Variants in BBS9 observed in about 807,000 individuals in gnomAD.
The protein encoded by BBS9 is Bardet-Biedl syndrome 9.
BBS9 carries 89 observed loss-of-function variants against 117.7 expected under a neutral mutation model. The observed-to-expected ratio is 0.76, with a 90% CI of 0.64 to 0.90. The LOEUF is 0.90. Ranked by LOEUF, BBS9 falls within the 40% of genes least tolerant of loss-of-function variation. The probability of loss-of-function intolerance (pLI) is 0.00; values close to 1 mark genes in which losing one functional copy is unlikely to be tolerated. For missense variants in BBS9, 982 were observed against 1,042.2 expected (o/e 0.94, Z 0.80); for synonymous variants, 379 against 370.9 (o/e 1.02, Z -0.25).
intron 5 of BBS9, among the ~76,000 whole-genome samples, chr7:33,220,025 G>A (rs1047091907): frequency 7.2e-5 from 11 of 152,102 alleles, no homozygotes. Flanking sequence ...AACAAACTCC[G>A]GACACGCCGC....
intron 9 of BBS9, among the ~76,000 whole-genome samples, chr7:33,284,600 TTA>T (rs1211406218): frequency 6.6e-6 from 1 of 152,246 alleles, no homozygotes; most frequent in Non-Finnish European, 1.5e-5. Context: ...GTTTCCTATG[TTA>T]TATCTTTGAT....
At chr7:33,581,847 C>T (rs948416628) in intron 21 of BBS9, among the ~76,000 whole-genome samples, 5 of 152,072 alleles carry the variant, frequency 3.3e-5, no homozygotes, top group African/African-American at 7.2e-5. Flanking sequence ...TAAACACACA[C>T]GATTTCCAGA....
At chr7:33,540,413 G>A (rs1852100615) in intron 21 of BBS9, among the ~76,000 whole-genome samples, 1 of 152,212 alleles carries the variant, frequency 6.6e-6, no homozygotes, top group Non-Finnish European at 1.5e-5. Flanking sequence ...AGAAGACTGA[G>A]CTTTTGTTAT....
chr7:33,441,910 G>A (rs79776283), intron 19 of BBS9, among the ~76,000 whole-genome samples: 1 of 137,790 alleles, frequency 7.3e-6, no homozygotes, highest in Non-Finnish European at 1.5e-5. Flanking sequence ...TTTTTTTCCC[G>A]AGACAGAGTC....
At chr7:33,148,904 G>A (rs1181014672) in intron 2 of BBS9, among the ~76,000 whole-genome samples, 2 of 152,126 alleles carry the variant, frequency 1.3e-5, no homozygotes, top group South Asian at 2.1e-4. Flanking sequence ...GATTATTGGC[G>A]TGAGCCACTG....
chr7:33,281,126 A>G (rs1801802756), intron 9 of BBS9, among the ~76,000 whole-genome samples: 2 of 151,466 alleles, frequency 1.3e-5, no homozygotes, highest in African/African-American at 4.8e-5. Flanking sequence ...AGAGTAGAAT[A>G]TTAGTTTTTC....
intron 9 of BBS9, among the ~76,000 whole-genome samples, chr7:33,280,688 A>G (rs1801637109): frequency 6.7e-6 from 1 of 150,068 alleles, no homozygotes; most frequent in Non-Finnish European, 1.5e-5. Flanking sequence ...TGCTTCCTAA[A>G]TACTTAAAAG....
chr7:33,390,969 G>T (rs1826973112), intron 19 of BBS9, among the ~76,000 whole-genome samples: 1 of 152,086 alleles, frequency 6.6e-6, no homozygotes, highest in Non-Finnish European at 1.5e-5. Context: ...TTCTCTATTT[G>T]TAATGGTTAC....
intron 19 of BBS9, among the ~76,000 whole-genome samples, chr7:33,406,821 C>T (rs373444490): frequency 6.6e-6 from 1 of 152,296 alleles, no homozygotes; most frequent in East Asian, 1.9e-4. Flanking sequence ...GTCTGATGGG[C>T]TTCCCTTTGT....
chr7:33,405,522 G>T (rs550263863), intron 19 of BBS9, among the ~76,000 whole-genome samples: 102 of 152,224 alleles, frequency 6.7e-4, no homozygotes, highest in Middle Eastern at 3.4e-3. Flanking sequence ...CAATTTCAGA[G>T]CCTGTTATTG....
At position 33,407,347 on chromosome 7, in the gene BBS9, CAA is replaced by C. The variant is rs1279330522; in HGVS notation, c.2115+19205_2115+19206del. ...GTTATACATTCGTCTAAATTTTTTT[CAA>C]AGTTTTCAACTTCTTTGCCTTTGGT... is the stretch of plus-strand genomic sequence containing the variant. On this transcript the variant is annotated intron_variant, in intron 19 of 22. Coordinates refer to ENST00000242067, the MANE Select transcript of BBS9 (RefSeq NM_198428.3). 2.0e-5 allele frequency among the ~76,000 whole-genome samples: 3 copies of C among 152,074 alleles called. No homozygotes were observed. In the East Asian group the frequency reaches 5.8e-4, roughly 29 times the overall value.
intron 19 of BBS9, among the ~76,000 whole-genome samples, chr7:33,476,928 G>A (rs1269691768): frequency 6.6e-6 from 1 of 152,116 alleles, no homozygotes; most frequent in African/African-American, 2.4e-5. Flanking sequence ...GTTAGTGTCT[G>A]ATTCCTATAA....
At chr7:33,463,258 A>G (rs181706209) in intron 19 of BBS9, among the ~76,000 whole-genome samples, 2 of 152,220 alleles carry the variant, frequency 1.3e-5, no homozygotes, top group East Asian at 3.9e-4. Flanking sequence ...CAAAACACAG[A>G]CAGGCAACAG....
chr7:33,390,396 G>C, intron 19 of BBS9: 2 of 985,166 alleles, frequency 2.0e-6, no homozygotes, highest in Non-Finnish European at 2.4e-6. Context: ...TCCATGATTT[G>C]TAATATTACA....
intron 19 of BBS9, among the ~76,000 whole-genome samples, chr7:33,493,717 G>A (rs1429547405): frequency 1.3e-5 from 2 of 152,122 alleles, no homozygotes; most frequent in Non-Finnish European, 2.9e-5. Flanking sequence ...CGTAATGGAC[G>A]TCAAGTAGCT....
intron 21 of BBS9, among the ~76,000 whole-genome samples, chr7:33,616,472 A>G (rs915365835): frequency 6.9e-5 from 10 of 144,804 alleles, no homozygotes; most frequent in South Asian, 4.3e-4. Flanking sequence ...ATAACTTTAT[A>G]TAATATATGT....
chr7:33,548,958 T>C lies in BBS9; in HGVS notation c.2521+14782T>C, dbSNP rs13311080. Among the ~76,000 whole-genome samples, 291 of 151,284 alleles carry C rather than the reference T, an allele frequency of 1.9e-3. 2 individuals carry two copies. Among genetic ancestry groups the C allele is most frequent in the African/African-American group, 6.2e-3 (254 of 40,868 alleles). ...GTTCATATGCAACCAAAAAAGAGCCTGCATCACCAAGGCAATCCTAAGCCA... is the reference window on the plus strand; with the variant it reads ...GTTCATATGCAACCAAAAAAGAGCCCGCATCACCAAGGCAATCCTAAGCCA... On this transcript the variant is annotated intron_variant, in intron 21 of 22. Coordinates refer to ENST00000242067, the MANE Select transcript of BBS9 (RefSeq NM_198428.3).
At chr7:33,535,926 T>A (rs1209590670) in intron 21 of BBS9, among the ~76,000 whole-genome samples, 1 of 152,102 alleles carries the variant, frequency 6.6e-6, no homozygotes, top group African/African-American at 2.4e-5. Context: ...GCTTTCCTGT[T>A]CAGGGATCCT....
chr7:33,506,947 T>C (rs1474516323), intron 20 of BBS9, among the ~76,000 whole-genome samples: 1 of 152,216 alleles, frequency 6.6e-6, no homozygotes, highest in Non-Finnish European at 1.5e-5. Context: ...CTGTCACTTA[T>C]GAACTCAGAT....
Sources: allele counts gnomAD v4.1 joint callset (sites outside exome capture counted in the v4.1 genomes callset), GRCh38; gene constraint gnomAD v4.1.1; transcripts MANE v1.5; gene names NCBI Gene and HGNC (gene_info 2026-07-23, HGNC 2026-07-21).